GRK5: variants seen among roughly 807,000 people sequenced by gnomAD.
GRK5 encodes the protein g protein-coupled receptor kinase GRK5.
GRK5 carries 40 observed loss-of-function variants against 78.4 expected under a neutral mutation model. That is an observed-to-expected ratio of 0.51 (90% CI 0.40 to 0.66). The LOEUF is 0.66. GRK5 is among the 30% of genes least tolerant of loss of function. GRK5 has a pLI of 0.00. For missense variants in GRK5, 598 were observed against 759.9 expected (o/e 0.79, Z 2.50); for synonymous variants, 289 against 296.8 (o/e 0.97, Z 0.27).
intron 4 of GRK5, among the ~76,000 whole-genome samples, chr10:119,422,639 C>T (rs1251485032): frequency 6.6e-6 from 1 of 152,192 alleles, no homozygotes; most frequent in African/African-American, 2.4e-5. Flanking sequence ...ACATGAACCT[C>T]GAGGCTGGGC....
intron 2 of GRK5, among the ~76,000 whole-genome samples, chr10:119,367,429 G>A (rs1212816966): frequency 2.6e-5 from 4 of 152,192 alleles, no homozygotes; most frequent in Admixed American, 2.6e-4. Flanking sequence ...GGCTTGGCAA[G>A]AGTTGATGTC....
intron 1 of GRK5, among the ~76,000 whole-genome samples, chr10:119,255,517 T>G (rs1849267777): frequency 6.6e-6 from 1 of 152,246 alleles, no homozygotes; most frequent in Non-Finnish European, 1.5e-5. Context: ...TGGCGTGGAC[T>G]CTTCCCCAGA....
At chr10:119,235,837 G>A (rs1015746132) in intron 1 of GRK5, among the ~76,000 whole-genome samples, 2 of 152,170 alleles carry the variant, frequency 1.3e-5, no homozygotes, top group African/African-American at 4.8e-5. Flanking sequence ...AGTACTTTGT[G>A]TAAATGGTGA....
At chr10:119,360,633 AAG>A (rs1049582448) in intron 2 of GRK5, among the ~76,000 whole-genome samples, 3 of 151,872 alleles carry the variant, frequency 2.0e-5, no homozygotes, top group African/African-American at 7.3e-5. Flanking sequence ...TGTGAGTGGG[AAG>A]AGACTTGTGA....
intron 2 of GRK5, among the ~76,000 whole-genome samples, chr10:119,368,043 G>A (rs543085135): frequency 6.6e-6 from 1 of 152,368 alleles, no homozygotes; most frequent in South Asian, 2.1e-4. Flanking sequence ...GCCGTTTCCT[G>A]GCCCGGCCCT....
intron 13 of GRK5, among the ~76,000 whole-genome samples, 158 bp downstream of exon 13, chr10:119,448,418 A>G (rs994434413): frequency 2.6e-5 from 4 of 152,182 alleles, no homozygotes; most frequent in Admixed American, 1.3e-4. Context: ...TAAGCTGCAG[A>G]TGAACTTCAC....
At chr10:119,226,001 A>G (rs1293448789) in intron 1 of GRK5, among the ~76,000 whole-genome samples, 5 of 151,878 alleles carry the variant, frequency 3.3e-5, no homozygotes, top group Non-Finnish European at 7.4e-5. Flanking sequence ...GGTGCCCGCC[A>G]CCATGCCTTG....
At chr10:119,310,560 C>CT (rs202195045) in intron 1 of GRK5, among the ~76,000 whole-genome samples, 17 of 151,944 alleles carry the variant, frequency 1.1e-4, no homozygotes, top group East Asian at 1.9e-4. Context: ...TTGGAAAGAA[C>CT]TTTTTTTTTC....
intron 1 of GRK5, among the ~76,000 whole-genome samples, chr10:119,254,472 G>A (rs762285831): frequency 6.6e-6 from 1 of 152,170 alleles, no homozygotes; most frequent in African/African-American, 2.4e-5. Flanking sequence ...TGTGCTCAGG[G>A]GGCTTACAGC....
At chr10:119,213,682 A>G (rs972809575) in intron 1 of GRK5, among the ~76,000 whole-genome samples, 3 of 152,174 alleles carry the variant, frequency 2.0e-5, no homozygotes, top group African/African-American at 7.2e-5. Context: ...TTTTATTACC[A>G]TCCAAAAACT....
chr10:119,357,921 C>G (rs189942988), intron 2 of GRK5, among the ~76,000 whole-genome samples: 1 of 152,094 alleles, frequency 6.6e-6, no homozygotes, highest in African/African-American at 2.4e-5. Flanking sequence ...CAAGGTGCAG[C>G]GGCAGCCTCC....
chr10:119,312,162 C>T (rs541904753), intron 1 of GRK5, among the ~76,000 whole-genome samples: 154 of 152,296 alleles, frequency 1.0e-3, no homozygotes, highest in Non-Finnish European at 1.8e-3. Context: ...GTGATCCGCC[C>T]GCCTCGGCCT....
At chr10:119,387,382 T>C (rs928469799) in intron 3 of GRK5, among the ~76,000 whole-genome samples, 6 of 152,276 alleles carry the variant, frequency 3.9e-5, no homozygotes, top group Non-Finnish European at 5.9e-5. Context: ...CCCAGGTGAT[T>C]TTCTGGGCAG....
At chr10:119,304,080 T>A (rs1850231484) in intron 1 of GRK5, among the ~76,000 whole-genome samples, 1 of 152,024 alleles carries the variant, frequency 6.6e-6, no homozygotes, top group Non-Finnish European at 1.5e-5. Context: ...GCTGGGGATG[T>A]TGGAAAACTC....
At chr10:119,321,796 A>G (rs772976522) in intron 1 of GRK5, among the ~76,000 whole-genome samples, 2 of 152,184 alleles carry the variant, frequency 1.3e-5, no homozygotes, top group African/African-American at 2.4e-5. Flanking sequence ...AAGTGAGCCC[A>G]GGCCGTAGCT....
chr10:119,311,086 C>A (rs1228009141), intron 1 of GRK5, among the ~76,000 whole-genome samples: 1 of 152,162 alleles, frequency 6.6e-6, no homozygotes, highest in Non-Finnish European at 1.5e-5. Flanking sequence ...TTTTTCAGAG[C>A]AGAAAATGGA....
intron 1 of GRK5, among the ~76,000 whole-genome samples, chr10:119,226,623 C>T (rs1252730034): frequency 6.6e-6 from 1 of 151,238 alleles, no homozygotes; most frequent in Non-Finnish European, 1.5e-5. Flanking sequence ...CGGCTCACTG[C>T]AATCTCTGCC....
chr10:119,441,529 C>T (rs1018665461), intron 10 of GRK5, among the ~76,000 whole-genome samples: 13 of 152,242 alleles, frequency 8.5e-5, no homozygotes, highest in Non-Finnish European at 1.5e-4. Flanking sequence ...TCTCGTTTCT[C>T]TAAAGTGAAA....
At chr10:119,262,699 A>G (rs1437971604) in intron 1 of GRK5, among the ~76,000 whole-genome samples, 1 of 152,118 alleles carries the variant, frequency 6.6e-6, no homozygotes, top group African/African-American at 2.4e-5. Flanking sequence ...GAGATGCCTG[A>G]TTAAGATTAT....
Sources: gnomAD v4.1 joint callset for allele counts (sites outside exome capture counted in the v4.1 genomes callset) on GRCh38, gnomAD v4.1.1 for gene constraint, MANE v1.5 for transcripts, NCBI Gene and HGNC (gene_info 2026-07-23, HGNC 2026-07-21) for gene names.